Variants in STAT5B observed in about 807,000 individuals in gnomAD.
STAT5B encodes the protein transcription factor STAT5B.
STAT5B carries 21 observed loss-of-function variants against 107.8 expected under a neutral mutation model. That is an observed-to-expected ratio of 0.19 (90% CI 0.14 to 0.28). STAT5B has a LOEUF of 0.28. Among genes scored for constraint, STAT5B ranks in the 10% least tolerant of loss-of-function variants. The probability of loss-of-function intolerance (pLI) is 1.00; values close to 1 mark genes in which losing one functional copy is unlikely to be tolerated. For missense variants in STAT5B, 565 were observed against 1,008.2 expected (o/e 0.56, Z 5.95); for synonymous variants, 325 against 401.7 (o/e 0.81, Z 2.28).
At chr17:42,219,593 GA>G in intron 6 of STAT5B, 118 bp downstream of exon 6, 15 of 1,292,164 alleles carry the variant, frequency 1.2e-5, no homozygotes, top group South Asian at 4.3e-5. Context: ...AGGCCCCCAG[GA>G]AAAAAGGCCT....
chr17:42,223,989 C>T (rs959962341), intron 4 of STAT5B, among the ~76,000 whole-genome samples: 6 of 152,178 alleles, frequency 3.9e-5, no homozygotes, highest in Non-Finnish European at 7.3e-5. Context: ...TGTGAACACA[C>T]ATCATCTGTG....
At chr17:42,277,046 C>T (rs1291282467), upstream of STAT5B, among the ~76,000 whole-genome samples, 1 of 152,190 alleles carries the variant, frequency 6.6e-6, no homozygotes, top group Non-Finnish European at 1.5e-5. Flanking sequence ...ATCTGGCTGG[C>T]TCCCACCAGT....
At chr17:42,257,016 T>C (rs1204889896) in intron 1 of STAT5B, among the ~76,000 whole-genome samples, 1 of 152,114 alleles carries the variant, frequency 6.6e-6, no homozygotes, top group Non-Finnish European at 1.5e-5. Context: ...GGTTCAGTAT[T>C]ACCTGAGGTT....
At chr17:42,217,675 A>C (rs2080183923) in intron 9 of STAT5B, 2 of 604,458 alleles carry the variant, frequency 3.3e-6, no homozygotes, top group Admixed American at 3.0e-5. Context: ...CACAGAAAAC[A>C]GTTCCTAAGA....
At chr17:42,238,128 AT>A (rs2080371662) in intron 1 of STAT5B, among the ~76,000 whole-genome samples, 1 of 151,076 alleles carries the variant, frequency 6.6e-6, no homozygotes, top group Non-Finnish European at 1.5e-5. Context: ...CCATCCATCC[AT>A]CCATCCATCC....
At chr17:42,210,050 T>C in intron 15 of STAT5B, 121 bp downstream of exon 15, 11 of 1,452,952 alleles carry the variant, frequency 7.6e-6, no homozygotes, top group Non-Finnish European at 9.5e-6. Flanking sequence ...TGGCTATACA[T>C]TTATGTTTCC....
upstream of STAT5B, chr17:42,276,639 G>A (rs1025368723): frequency 2.0e-5 from 3 of 151,952 alleles, no homozygotes; most frequent in Non-Finnish European, 4.4e-5. The surrounding 1 kb of genome is among the most constrained non-coding windows in gnomAD (Gnocchi z 4.8). Context: ...CCCTTTCTGC[G>A]GCGGTGGGGT....
intron 16 of STAT5B, among the ~76,000 whole-genome samples, chr17:42,204,543 T>G (rs1219348043): frequency 6.6e-6 from 1 of 152,242 alleles, no homozygotes; most frequent in Non-Finnish European, 1.5e-5. Context: ...ACATGTTTTT[T>G]GTGCTTTACA....
chr17:42,275,520 A>G (rs1330463128), intron 1 of STAT5B: 1 of 152,206 alleles, frequency 6.6e-6, no homozygotes, highest in African/African-American at 2.4e-5. Flanking sequence ...AGATTCCTTT[A>G]GCCTCAGACC....
chr17:42,260,595 A>G (rs1336827751), intron 1 of STAT5B, among the ~76,000 whole-genome samples: 1 of 151,720 alleles, frequency 6.6e-6, no homozygotes, highest in African/African-American at 2.4e-5. Flanking sequence ...TGTTGTTGTT[A>G]GAGACTGGGT....
chr17:42,246,907 G>C (rs1257362768), intron 1 of STAT5B, among the ~76,000 whole-genome samples: 5 of 152,218 alleles, frequency 3.3e-5, no homozygotes, highest in Non-Finnish European at 7.3e-5. Context: ...ATCATTACAA[G>C]AGCAGATCAC....
At position 42,232,142 on chromosome 17, in the gene STAT5B, T is replaced by C. The variant is rs369692691; in HGVS notation, c.-10-5A>G. On this transcript the variant is annotated splice_polypyrimidine_tract_variant and splice_region_variant and intron_variant, in intron 1 of 18. Transcript: ENST00000293328. ...CACACAGCCATGGTTTACAATCTGT[T>C]GAACAAACAATCAGTGCTTTGGGCG... is the stretch of plus-strand genomic sequence containing the variant. 5 of 1,613,664 alleles carry C rather than the reference T, an allele frequency of 3.1e-6. No homozygotes were observed. The highest frequency in any genetic ancestry group is 3.4e-6 in the Non-Finnish European group (4 of 1,179,730).
intron 2 of STAT5B, among the ~76,000 whole-genome samples, chr17:42,230,806 G>A (rs1022782569): frequency 6.6e-6 from 1 of 151,808 alleles, no homozygotes; most frequent in Non-Finnish European, 1.5e-5. Flanking sequence ...GATTACAGGC[G>A]CCCGTCACCA....
At chr17:42,239,246 CAAA>C (rs770177992) in intron 1 of STAT5B, among the ~76,000 whole-genome samples, 1 of 52,510 alleles carries the variant, frequency 1.9e-5, no homozygotes, top group Non-Finnish European at 4.4e-5. Flanking sequence ...GACTCTGTCT[CAAA>C]AAAAAAAAAA....
chr17:42,271,384 T>C (rs1286157089), intron 1 of STAT5B: 1 of 152,236 alleles, frequency 6.6e-6, no homozygotes, highest in Non-Finnish European at 1.5e-5. Flanking sequence ...CATTGATGTA[T>C]TTCCCCTTGT....
chr17:42,262,970 G>GTGTGTATATATATA (rs2080626695), intron 1 of STAT5B, among the ~76,000 whole-genome samples: 1 of 20,944 alleles, frequency 4.8e-5, no homozygotes. Flanking sequence ...GTGTGTGTGT[G>GTGTGTATATATATA]TATATATATA....
At chr17:42,281,175 T>C (rs1323911065), upstream of STAT5B, among the ~76,000 whole-genome samples, 1 of 151,704 alleles carries the variant, frequency 6.6e-6, no homozygotes, top group East Asian at 1.9e-4. Flanking sequence ...AAACTAGCTG[T>C]GTGACTTTGG....
intron 16 of STAT5B, among the ~76,000 whole-genome samples, chr17:42,203,329 C>T (rs950638780): frequency 6.6e-6 from 1 of 151,970 alleles, no homozygotes; most frequent in African/African-American, 2.4e-5. Context: ...TCCAAATTGG[C>T]TTGGATGTTT....
chr17:42,287,167 CA>C, the STAT5B span, among the ~76,000 whole-genome samples: 3 of 152,116 alleles, frequency 2.0e-5, no homozygotes, highest in Admixed American at 2.0e-4. Context: ...GGGGAGAACG[CA>C]GACATTTTGG....
Sources: allele counts gnomAD v4.1 joint callset (sites outside exome capture counted in the v4.1 genomes callset), GRCh38; gene constraint gnomAD v4.1.1; non-coding constraint Gnocchi (gnomAD v3.1); transcripts MANE v1.5; gene names NCBI Gene and HGNC (gene_info 2026-07-23, HGNC 2026-07-21).